Variants in OR4M1 observed in about 807,000 individuals in gnomAD.
The protein encoded by OR4M1 is olfactory receptor family 4 subfamily M member 1.
OR4M1 carries 7 observed loss-of-function variants against 9.8 expected under a neutral mutation model. That is an observed-to-expected ratio of 0.71 (90% CI 0.41 to 1.34). The LOEUF (loss-of-function observed/expected upper bound fraction) is 1.34, where lower values mean the gene tolerates loss of function less well. Ranked by LOEUF, OR4M1 falls within the 40% of genes most tolerant of loss-of-function variation. The probability of loss-of-function intolerance (pLI) is 0.01; values close to 1 mark genes in which losing one functional copy is unlikely to be tolerated. For missense variants in OR4M1, 331 were observed against 380.4 expected (o/e 0.87, Z 1.08); for synonymous variants, 121 against 139.8 (o/e 0.87, Z 0.95).
At position 19,781,179 on chromosome 14, in the gene OR4M1, C is replaced by T. The variant is rs762783313; in HGVS notation, c.857C>T (p.Pro286Leu). 3.1e-6 allele frequency: 5 copies of T among 1,613,996 alleles called. No homozygotes were observed. The highest frequency in any genetic ancestry group is 2.7e-5 in the African/African-American group (2 of 74,894). The change falls in exon 2 of 2, where the codon CCC (proline) becomes CTC (leucine). Residue 286 changes from proline (P) to leucine (L), a missense_variant. Physicochemically the swap from Pro to Leu is moderately conservative, Grantham distance 98. Transcript: ENST00000641200. Reference sequence around the variant, plus strand: ...ACTGTAATATTCCCTTTACTTAATCCCATTATTTACACATTGAGAAACAAG... The same window carrying T: ...ACTGTAATATTCCCTTTACTTAATCTCATTATTTACACATTGAGAAACAAG... ...FHTVIFPLLN[P>L]IIYTLRNKEV...
intron 1 of OR4M1, among the ~76,000 whole-genome samples, chr14:19,777,218 T>A (rs1342710003): frequency 6.7e-6 from 1 of 150,318 alleles, no homozygotes; most frequent in Non-Finnish European, 1.5e-5. Context: ...CTACATTACT[T>A]GGTCTTTGAC....
At chr14:19,780,241 T>G (rs1419147306) in intron 1 of OR4M1, 53 bp from the exon 2 acceptor site, 10 of 1,393,748 alleles carry the variant, frequency 7.2e-6, no homozygotes, top group Non-Finnish European at 9.7e-6. Flanking sequence ...AGCAGTGATA[T>G]AACTCTAGAT....
At chr14:19,777,701 A>G (rs1428973995) in intron 1 of OR4M1, among the ~76,000 whole-genome samples, 4 of 152,216 alleles carry the variant, frequency 2.6e-5, no homozygotes, top group Non-Finnish European at 4.4e-5. Context: ...GAAGCTATAT[A>G]TTTAGGAATA....
Position 19,781,032 on chromosome 14 carries a change from G to T in OR4M1, c.710G>T (p.Arg237Met), listed in dbSNP as rs1333211973. Reference sequence around the variant, plus strand: ...TCAGGCTCAGGTGAGAATACCAACAGGGCCATGTCCACCTGCTATTCCCAC... The same window carrying T: ...TCAGGCTCAGGTGAGAATACCAACATGGCCATGTCCACCTGCTATTCCCAC... ...KHSGSGENTN[R>M]AMSTCYSHIT... is the part of the protein sequence containing the mutation. Residue 237 changes from arginine to methionine, a missense_variant, in exon 2 of 2, where the codon AGG becomes ATG. Coordinates refer to ENST00000641200, the MANE Select transcript of OR4M1 (RefSeq NM_001005500.2). 2 of 1,614,186 alleles carry T rather than the reference G, an allele frequency of 1.2e-6. No homozygotes were observed. Among genetic ancestry groups the T allele is most frequent in the East Asian group, 4.5e-5 (2 of 44,884 alleles).
chr14:19,779,375 G>T (rs1486832058), intron 1 of OR4M1, among the ~76,000 whole-genome samples: 1 of 152,184 alleles, frequency 6.6e-6, no homozygotes, highest in Non-Finnish European at 1.5e-5. Context: ...TGGTGTGGCA[G>T]TTTTTAACCT....
At position 19,780,458 on chromosome 14, in the gene OR4M1, A is replaced by G. The variant is rs765210345; in HGVS notation, c.136A>G (p.Ile46Val). The G allele has an allele frequency of 2.7e-5, 44 of 1,614,000 alleles. No individual in the cohort carries two copies. Among genetic ancestry groups the G allele is most frequent in the Non-Finnish European group, 3.5e-5 (41 of 1,179,994 alleles). ...LFILPGNILI[I>V]CTIRLDPHLT... ...CATCCTACCAGGAAATATCCTTATC[A>G]TTTGCACCATCAGGCTAGACCCTCA... The change falls in exon 2 of 2, where the codon ATT (isoleucine) becomes GTT (valine). Residue 46 changes from isoleucine to valine, a missense_variant. By Grantham distance (29) the Ile-to-Val change is conservative. This residue lies in a region of OR4M1 where 209 missense variants were observed against 200.0 expected (regional missense o/e 1.04). Coordinates refer to ENST00000641200, the MANE Select transcript of OR4M1 (RefSeq NM_001005500.2).
chr14:19,778,506 C>G (rs529538256), intron 1 of OR4M1, among the ~76,000 whole-genome samples: 17 of 152,312 alleles, frequency 1.1e-4, no homozygotes, highest in African/African-American at 4.1e-4. Flanking sequence ...TCACTTCCAT[C>G]TGGTCAAAAA....
chr14:19,774,830 G>A (rs1407102132), intron 1 of OR4M1, among the ~76,000 whole-genome samples: 1 of 152,234 alleles, frequency 6.6e-6, no homozygotes, highest in African/African-American at 2.4e-5. Flanking sequence ...TTGAGGCAGA[G>A]GTATGTGAGT....
At chr14:19,776,704 G>A (rs1300654309) in intron 1 of OR4M1, among the ~76,000 whole-genome samples, 15 of 152,044 alleles carry the variant, frequency 9.9e-5, no homozygotes, top group African/African-American at 3.6e-4. Flanking sequence ...AATTGCTTTG[G>A]GTTTTCTTGG....
At chr14:19,776,864 G>A (rs1878325290) in intron 1 of OR4M1, among the ~76,000 whole-genome samples, 1 of 151,830 alleles carries the variant, frequency 6.6e-6, no homozygotes, top group Non-Finnish European at 1.5e-5. Context: ...AATTGCCATT[G>A]TGGAGTTCAA....
intron 1 of OR4M1, among the ~76,000 whole-genome samples, chr14:19,779,151 G>A (rs1878392925): frequency 6.6e-6 from 1 of 152,146 alleles, no homozygotes; most frequent in Admixed American, 6.6e-5. Flanking sequence ...TCCAAAAATG[G>A]CGCATTTAAT....
rs879135628 is a variant in OR4M1, at chr14:19,781,298, G to A, written c.*34G>A. ...TTATACATTTTATAGTCCTCCTGAG[G>A]ATCATTGTCCTAAAGCAGGAAGTAT... On this transcript the variant is annotated 3_prime_UTR_variant, in exon 2 of 2. Coordinates refer to ENST00000641200, the MANE Select transcript of OR4M1 (RefSeq NM_001005500.2). The A allele has an allele frequency of 1.1e-5, 16 of 1,503,090 alleles. No individual in the cohort carries two copies. The South Asian group carries it at 1.5e-4, about 14-fold the overall frequency. 93.1% of individuals were successfully genotyped at this position (1,503,090 alleles called of 1,614,324 possible). A position where few individuals can be genotyped will look rare whatever the true frequency, so the allele number is the denominator to read the frequency against.
chr14:19,781,071 T>C lies in OR4M1; in HGVS notation c.749T>C (p.Val250Ala). 23 of 1,614,178 alleles carry C rather than the reference T, an allele frequency of 1.4e-5. No individual in the cohort carries two copies. Among genetic ancestry groups the C allele is most frequent in the Non-Finnish European group, 1.9e-5 (23 of 1,180,028 alleles). ...TGCTATTCCCACATTACCATTGTGG[T>C]GCTAATGTTTGGGCCATCCATCTAC... ...STCYSHITIV[V>A]LMFGPSIYIY... Residue 250 changes from valine (V) to alanine (A), a missense_variant, in exon 2 of 2, where the codon GTG becomes GCG. Coordinates refer to ENST00000641200, the MANE Select transcript of OR4M1 (RefSeq NM_001005500.2).
Position 19,780,345 on chromosome 14 carries a change from A to G in OR4M1, c.23A>G (p.Lys8Arg). The change falls in exon 2 of 2, where the codon AAG becomes AGG. Residue 8 changes from lysine to arginine, a missense_variant. Physicochemically the swap from Lys to Arg is conservative, Grantham distance 26. Transcript: ENST00000641200. METANYTKVTEFVLTGLS... is the reference protein window; with the variant it reads METANYTRVTEFVLTGLS... ...GAAATGGAAACTGCAAATTACACCA[A>G]GGTGACAGAATTTGTTCTCACTGGC... 6.2e-7 allele frequency: 1 copy of G among 1,612,320 alleles called. No individual in the cohort carries two copies. Among genetic ancestry groups the G allele is most frequent in the Non-Finnish European group, 8.5e-7 (1 of 1,179,260 alleles).
At chr14:19,775,437 A>G (rs942136928) in intron 1 of OR4M1, among the ~76,000 whole-genome samples, 1 of 151,964 alleles carries the variant, frequency 6.6e-6, no homozygotes, top group African/African-American at 2.4e-5. Context: ...TATGAGAAAT[A>G]AAGGTCCTCC....
chr14:19,775,013 G>A (rs369085140), intron 1 of OR4M1, among the ~76,000 whole-genome samples: 8 of 152,308 alleles, frequency 5.3e-5, no homozygotes, highest in South Asian at 2.1e-4. Context: ...CAAGATGGGC[G>A]GTCAGAGGTG....
intron 1 of OR4M1, among the ~76,000 whole-genome samples, chr14:19,778,322 G>A (rs1367673120): frequency 1.3e-5 from 2 of 152,194 alleles, no homozygotes; most frequent in Non-Finnish European, 2.9e-5. Flanking sequence ...GGTGGAATGG[G>A]TATGGAGTAG....
Position 19,780,835 on chromosome 14 carries a change from C to G in OR4M1, c.513C>G (p.Pro171=). The G allele has an allele frequency of 6.2e-7, 1 of 1,614,178 alleles. No homozygotes were observed. Among genetic ancestry groups the G allele is most frequent in the Non-Finnish European group, 8.5e-7 (1 of 1,180,026 alleles). Residue 171 remains proline, a synonymous_variant, in exon 2 of 2, where the codon CCC becomes CCG. Transcript: ENST00000641200. Reference sequence around the variant, plus strand: ...TTGTTCGACTTCCTTTCTGTGGGCCCAATGAGTTAGACAGTTACTTCTGTG... The same window carrying G: ...TTGTTCGACTTCCTTTCTGTGGGCCGAATGAGTTAGACAGTTACTTCTGTG... ...ALIVRLPFCG[P]NELDSYFCDI...
In OR4M1 at chr14:19,782,058, G is replaced by T. The variant is rs1878516576; in HGVS notation, c.*794G>T. On this transcript the variant is annotated 3_prime_UTR_variant, in exon 2 of 2. Transcript: ENST00000641200. ...AAAGCTTCTAGGTTGACTGGAATTG[G>T]TAGACATCTAGCCGTGTAGTTTTTT... 1 of 152,278 alleles carries T rather than the reference G, an allele frequency of 6.6e-6. No individual in the cohort carries two copies. The highest frequency in any genetic ancestry group is 1.5e-5 in the Non-Finnish European group (1 of 68,082). The allele number at this position is 152,278 out of a possible 1,614,324, so 9.4% of individuals were successfully genotyped here.
Sources: gnomAD v4.1 joint callset for allele counts (sites outside exome capture counted in the v4.1 genomes callset) on GRCh38, gnomAD v4.1.1 for gene constraint, gnomAD v4.1.1 regional missense constraint, MANE v1.5 for transcripts, NCBI Gene and HGNC (gene_info 2026-07-23, HGNC 2026-07-21) for gene names.